The following NAALADL2 variants were observed in gnomAD, a reference collection of about 807,000 sequenced individuals.
NAALADL2 encodes the protein inactive N-acetylated-alpha-linked acidic dipeptidase-like protein 2.
Under a neutral mutation model 87.2 loss-of-function variants are expected in NAALADL2, and 76 were observed. That is an observed-to-expected ratio of 0.87 (90% confidence interval 0.72 to 1.05). The LOEUF (loss-of-function observed/expected upper bound fraction) is 1.05. Among genes scored for constraint, NAALADL2 ranks in the 50% least tolerant of loss-of-function variants. NAALADL2 has a pLI of 0.00. For missense variants in NAALADL2, 1,089 were observed against 945.8 expected, an observed-to-expected ratio of 1.15 and a Z score of -1.99; for synonymous variants, 354 against 331.0, an observed-to-expected ratio of 1.07 and a Z score of -0.75.
intron 5 of NAALADL2, among the ~76,000 whole-genome samples, chr3:175,424,295 G>T (rs1560528730): frequency 6.6e-6 from 1 of 152,134 alleles, no homozygotes; most frequent in Admixed American, 6.6e-5. Context: ...GGCTTTTGTT[G>T]TCATTGTTTT....
chr3:174,524,348 C>A (rs1347415594), intron 1 of NAALADL2, among the ~76,000 whole-genome samples: 1 of 152,036 alleles, frequency 6.6e-6, no homozygotes, highest in African/African-American at 2.4e-5. Context: ...TGAAAGTGAG[C>A]AGATGAGAGT....
chr3:174,546,830 A>G (rs1469036025), intron 1 of NAALADL2, among the ~76,000 whole-genome samples: 1 of 151,808 alleles, frequency 6.6e-6, no homozygotes, highest in African/African-American at 2.4e-5. Context: ...GCAAATTTTT[A>G]AATTTTTTGT....
chr3:175,258,176 C>T (rs1750344423), intron 4 of NAALADL2, among the ~76,000 whole-genome samples: 1 of 151,746 alleles, frequency 6.6e-6, no homozygotes, highest in African/African-American at 2.4e-5. Flanking sequence ...GGCGTGGTGG[C>T]GGGCGCCTGT....
intron 11 of NAALADL2, among the ~76,000 whole-genome samples, chr3:175,716,993 G>C (rs113985547): frequency 1.1e-4 from 17 of 152,148 alleles, no homozygotes; most frequent in Admixed American, 6.6e-5. Flanking sequence ...AACCTGAGCT[G>C]TAATTTACTA....
intron 1 of NAALADL2, among the ~76,000 whole-genome samples, chr3:175,036,804 C>CTTT (rs10662446): frequency 0.031 from 3,650 of 117,292 alleles, 88 homozygotes; most frequent in Non-Finnish European, 0.035. Context: ...TCCATCTGTT[C>CTTT]TTTTTTTTTT....
At chr3:175,667,167 A>AAG in intron 11 of NAALADL2, among the ~76,000 whole-genome samples, 4 of 139,942 alleles carry the variant, frequency 2.9e-5, no homozygotes. Flanking sequence ...AAGAAAAAGA[A>AAG]AGAAAGAAAG....
At chr3:175,613,486 A>T (rs936683510) in intron 10 of NAALADL2, among the ~76,000 whole-genome samples, 1 of 152,252 alleles carries the variant, frequency 6.6e-6, no homozygotes. Context: ...TGAAATGAAC[A>T]TACATTTTAT....
chr3:174,558,402 T>C lies in NAALADL2; in HGVS notation c.-115+7765T>C, dbSNP rs538054657. Among the ~76,000 whole-genome samples the C allele has an allele frequency of 3.9e-5, 6 of 152,268 alleles. No homozygotes were observed. In the South Asian group the frequency reaches 1.2e-3, roughly 32 times the overall value. ...GTGCATTCCTATTATTATTACATTG[T>C]AATATATAATGAAATAATTTTACAA... On this transcript the variant is annotated intron_variant, in intron 2 of 3. Coordinates refer to the NAALADL2 transcript ENST00000434257.
chr3:175,018,771 GCAAAAGAGCATGCAAAGTTTA>G (rs1332919576), intron 1 of NAALADL2, among the ~76,000 whole-genome samples: 1 of 152,016 alleles, frequency 6.6e-6, no homozygotes, highest in African/African-American at 2.4e-5. Context: ...CCACAACACT[GCAAAAGAGCATGCAAAGTTTA>G]CATAGTGCCT....
At chr3:174,689,049 A>G (rs1479036661) in intron 2 of NAALADL2, among the ~76,000 whole-genome samples, 1 of 152,168 alleles carries the variant, frequency 6.6e-6, no homozygotes, top group Non-Finnish European at 1.5e-5. Context: ...ACATTCTGAT[A>G]ATAGCAGATA....
At chr3:175,076,083 C>A (rs755599916) in intron 1 of NAALADL2, among the ~76,000 whole-genome samples, 2 of 151,890 alleles carry the variant, frequency 1.3e-5, no homozygotes, top group African/African-American at 2.4e-5. Flanking sequence ...CAAAAATTAG[C>A]CAGTTGTGGT....
intron 1 of NAALADL2, among the ~76,000 whole-genome samples, chr3:175,092,452 A>C (rs1233975549): frequency 6.6e-6 from 1 of 151,940 alleles, no homozygotes; most frequent in Non-Finnish European, 1.5e-5. Context: ...AACATTTAAA[A>C]AATACTTTTG....
chr3:174,613,452 T>G (rs961338123), intron 2 of NAALADL2, among the ~76,000 whole-genome samples: 7 of 152,262 alleles, frequency 4.6e-5, no homozygotes, highest in Middle Eastern at 3.4e-3. Context: ...GTCTATCTAC[T>G]TAGTGTGCTA....
intron 6 of NAALADL2, among the ~76,000 whole-genome samples, chr3:175,454,293 T>C (rs1581953860): frequency 6.6e-6 from 1 of 152,186 alleles, no homozygotes; most frequent in East Asian, 1.9e-4. Flanking sequence ...CATTAAATTT[T>C]TCTCTCTACT....
chr3:174,732,822 T>G (rs1732832352), intron 2 of NAALADL2, among the ~76,000 whole-genome samples: 1 of 152,172 alleles, frequency 6.6e-6, no homozygotes, highest in Non-Finnish European at 1.5e-5. Context: ...ATTAATAATA[T>G]TCTATTAATC....
intron 11 of NAALADL2, among the ~76,000 whole-genome samples, chr3:175,697,776 CATATATATGTGTGTGTATATATGT>C (rs1213427630): frequency 6.3e-5 from 9 of 141,802 alleles, no homozygotes; most frequent in African/African-American, 2.1e-4. Flanking sequence ...TACATATATA[CATATATATGTGTGTGTATATATGT>C]ATATATATTT....
At chr3:175,092,427 G>A (rs1243090003) in intron 1 of NAALADL2, among the ~76,000 whole-genome samples, 3 of 151,770 alleles carry the variant, frequency 2.0e-5, no homozygotes, top group Non-Finnish European at 4.4e-5. Flanking sequence ...TTCGTAAGTG[G>A]CATAAGTAAT....
At chr3:175,361,133 C>T (rs139974353) in intron 5 of NAALADL2, among the ~76,000 whole-genome samples, 6,725 of 151,942 alleles carry the variant, frequency 0.044, 237 homozygotes, top group Non-Finnish European at 0.064. Flanking sequence ...GTTTTCTGTC[C>T]TTCTGGTAGT....
intron 10 of NAALADL2, among the ~76,000 whole-genome samples, chr3:175,614,135 C>T (rs1432223928): frequency 6.6e-6 from 1 of 152,176 alleles, no homozygotes; most frequent in East Asian, 1.9e-4. Context: ...TCACCGCAAC[C>T]TCCACCTCCG....
Sources: gnomAD v4.1 joint callset for allele counts (sites outside exome capture counted in the v4.1 genomes callset) on GRCh38, gnomAD v4.1.1 for gene constraint, MANE v1.5 for transcripts, NCBI Gene and HGNC (gene_info 2026-07-23, HGNC 2026-07-21) for gene names.